The following ZNF804A variants were observed in gnomAD, a reference collection of about 807,000 sequenced individuals.
ZNF804A encodes zinc finger protein 804A.
In ZNF804A, 2 loss-of-function variants were observed where a neutral mutation model predicts 16.5. The ratio of observed to expected loss-of-function variants is 0.12; its 90% confidence interval spans 0.05 to 0.38. The LOEUF (loss-of-function observed/expected upper bound fraction) is 0.38. ZNF804A is among the 10% of genes least tolerant of loss of function. The pLI is 0.99. For missense variants in ZNF804A, 1,473 were observed against 1,390.7 expected (o/e 1.06, Z -0.94); for synonymous variants, 534 against 489.6 (o/e 1.09, Z -1.20).
At chr2:184,779,278 T>C (rs919562890) in intron 1 of ZNF804A, among the ~76,000 whole-genome samples, 1 of 151,752 alleles carries the variant, frequency 6.6e-6, no homozygotes, top group Non-Finnish European at 1.5e-5. Context: ...CATACACCAC[T>C]TGTACTTTCA....
Position 184,814,062 on chromosome 2 carries a change from C to A in ZNF804A, c.112-52307C>A, listed in dbSNP as rs77850333. ...CTGTTCCAAGCACCTAAAATAGTAC[C>A]AAAGCATAGATATTCCTCAAAAGAG... On this transcript the variant is annotated intron_variant, in intron 1 of 3. Transcript: ENST00000302277. 2.4e-4 allele frequency among the ~76,000 whole-genome samples: 29 copies of A among 122,830 alleles called. No homozygotes were observed. The East Asian group carries it at 6.7e-3, about 28-fold the overall frequency. 80.6% of individuals were successfully genotyped at this position (122,830 alleles called of 152,430 possible).
intron 1 of ZNF804A, among the ~76,000 whole-genome samples, chr2:184,840,490 A>G (rs1695420018): frequency 6.6e-6 from 1 of 152,186 alleles, no homozygotes; most frequent in South Asian, 2.1e-4. Flanking sequence ...TCAAGAAATA[A>G]CATGTTAAAA....
Position 184,731,104 on chromosome 2 carries a change from C to T in ZNF804A, c.111+132034C>T, listed in dbSNP as rs1028541123. Among the ~76,000 whole-genome samples the T allele has an allele frequency of 1.6e-4, 24 of 150,848 alleles. 1 individual carries two copies. Among genetic ancestry groups the T allele is most frequent in the Middle Eastern group, 3.4e-3 (1 of 292 alleles). On this transcript the variant is annotated intron_variant, in intron 1 of 3. Coordinates refer to ENST00000302277, the MANE Select transcript of ZNF804A (RefSeq NM_194250.2). ...TGTCTCTACTAAAAGTACACAAATT[C>T]GGCAGGTGTGGTGGCAGGCGCCTGT...
At chr2:184,723,700 G>A (rs1693359465) in intron 1 of ZNF804A, among the ~76,000 whole-genome samples, 1 of 151,616 alleles carries the variant, frequency 6.6e-6, no homozygotes, top group Non-Finnish European at 1.5e-5. Flanking sequence ...ATATTGGTCT[G>A]TTAAATGTAT....
At position 184,813,993 on chromosome 2, in the gene ZNF804A, C is replaced by CTTTTTT. The variant is rs1163432699; in HGVS notation, c.112-52353_112-52348dup. On this transcript the variant is annotated intron_variant, in intron 1 of 3. Coordinates refer to ENST00000302277, the MANE Select transcript of ZNF804A (RefSeq NM_194250.2). ...TTTAGGGCATGTTTGAGAAAGGCAG[C>CTTTTTT]TTTTTTTTTTTTTTTTTTTTTTTTT... is the stretch of plus-strand genomic sequence containing the variant. 5.1e-4 allele frequency among the ~76,000 whole-genome samples: 25 copies of CTTTTTT among 49,190 alleles called. 1 individual carries two copies. The highest frequency in any genetic ancestry group is 8.8e-4 in the Admixed American group (3 of 3,428). The allele number at this position is 49,190 out of a possible 152,430, so 32.3% of individuals were successfully genotyped here.
At chr2:184,612,014 G>GT (rs1691246511) in intron 1 of ZNF804A, among the ~76,000 whole-genome samples, 1 of 152,020 alleles carries the variant, frequency 6.6e-6, no homozygotes, top group African/African-American at 2.4e-5. Flanking sequence ...TGTTTTTAGG[G>GT]TTTTTTAGTT....
intron 1 of ZNF804A, among the ~76,000 whole-genome samples, chr2:184,663,147 C>T (rs1324555042): frequency 6.6e-6 from 1 of 152,186 alleles, no homozygotes; most frequent in Admixed American, 6.5e-5. Flanking sequence ...GTCCTGGCCA[C>T]AGCTGCAGCC....
At chr2:184,871,778 T>C (rs1290822341) in intron 2 of ZNF804A, among the ~76,000 whole-genome samples, 1 of 152,036 alleles carries the variant, frequency 6.6e-6, no homozygotes, top group Non-Finnish European at 1.5e-5. Context: ...GTTGATTTAA[T>C]ATTTTAGTTT....
At chr2:184,846,027 A>G (rs1199045769) in intron 1 of ZNF804A, among the ~76,000 whole-genome samples, 1 of 152,150 alleles carries the variant, frequency 6.6e-6, no homozygotes, top group Non-Finnish European at 1.5e-5. Flanking sequence ...CAATAATACT[A>G]AGACAAATAA....
intron 1 of ZNF804A, among the ~76,000 whole-genome samples, chr2:184,638,311 G>A (rs574903476): frequency 2.6e-5 from 4 of 152,238 alleles, no homozygotes; most frequent in South Asian, 2.1e-4. Flanking sequence ...TTTATATGAT[G>A]ACATGCAGAC....
At chr2:184,634,969 A>G (rs917134819) in intron 1 of ZNF804A, among the ~76,000 whole-genome samples, 1 of 152,164 alleles carries the variant, frequency 6.6e-6, no homozygotes, top group Non-Finnish European at 1.5e-5. Context: ...TTTTTTTAAA[A>G]AAATAAAAGC....
chr2:184,914,014 C>T (rs1370437654), intron 2 of ZNF804A, among the ~76,000 whole-genome samples: 1 of 152,126 alleles, frequency 6.6e-6, no homozygotes, highest in Non-Finnish European at 1.5e-5. Flanking sequence ...TCTGTGGATG[C>T]CTGTGTCAGA....
intron 2 of ZNF804A, among the ~76,000 whole-genome samples, chr2:184,910,634 G>T (rs879442134): frequency 2.0e-5 from 3 of 151,744 alleles, no homozygotes; most frequent in Non-Finnish European, 2.9e-5. Context: ...CTTGCCAGAG[G>T]CTATTATTTT....
chr2:184,838,815 C>T (rs1695393207), intron 1 of ZNF804A, among the ~76,000 whole-genome samples: 1 of 151,938 alleles, frequency 6.6e-6, no homozygotes, highest in African/African-American at 2.4e-5. Context: ...TCAATATCAG[C>T]CCGGCAGTGC....
intron 1 of ZNF804A, among the ~76,000 whole-genome samples, chr2:184,759,074 T>A (rs142891662): frequency 6.6e-5 from 10 of 151,520 alleles, no homozygotes; most frequent in African/African-American, 2.4e-4. Context: ...ATATGTAAGC[T>A]GTAAATTGCT....
intron 1 of ZNF804A, among the ~76,000 whole-genome samples, chr2:184,784,218 C>T (rs778255299): frequency 8.6e-5 from 13 of 151,844 alleles, no homozygotes; most frequent in Non-Finnish European, 1.6e-4. Flanking sequence ...CAATCTTCAA[C>T]TGATGGCTCT....
At chr2:184,905,261 T>C (rs537450853) in intron 2 of ZNF804A, among the ~76,000 whole-genome samples, 48 of 152,280 alleles carry the variant, frequency 3.2e-4, no homozygotes, top group Non-Finnish European at 1.5e-5. Context: ...TTTAACTTCT[T>C]GTAAGCTTTC....
intron 1 of ZNF804A, among the ~76,000 whole-genome samples, chr2:184,653,553 G>A (rs1448461443): frequency 6.6e-6 from 1 of 152,184 alleles, no homozygotes; most frequent in Non-Finnish European, 1.5e-5. Context: ...GACCCAACTG[G>A]ACATTTGGAG....
chr2:184,864,875 A>ATTTTTTTTTTTTTTCTTTTTTT (rs1695850965), intron 1 of ZNF804A, among the ~76,000 whole-genome samples: 1 of 105,482 alleles, frequency 9.5e-6, no homozygotes, highest in African/African-American at 4.5e-5. Context: ...TATAGTTAGG[A>ATTTTTTTTTTTTTTCTTTTTTT]TTTTTTTTTT....
Sources: gnomAD v4.1 joint callset for allele counts (sites outside exome capture counted in the v4.1 genomes callset) on GRCh38, gnomAD v4.1.1 for gene constraint, MANE v1.5 for transcripts, NCBI Gene and HGNC (gene_info 2026-07-23, HGNC 2026-07-21) for gene names.